The following TBC1D19 variants were observed in gnomAD, a reference collection of about 807,000 sequenced individuals.
The protein encoded by TBC1D19 is TBC1 domain family, member 19.
A neutral mutation model predicts 89.0 loss-of-function variants in TBC1D19; 60 were observed. That is an observed-to-expected ratio of 0.67 (90% confidence interval 0.55 to 0.84). TBC1D19 has a LOEUF of 0.84. TBC1D19 is among the 40% of genes least tolerant of loss of function. TBC1D19 has a pLI of 0.00. For synonymous variants in TBC1D19, 189 were observed against 199.7 expected, an observed-to-expected ratio of 0.95 and a Z score of 0.45; for missense variants, 500 against 610.8, an observed-to-expected ratio of 0.82 and a Z score of 1.91.
At chr4:26,590,109 C>CT (rs770340785) in intron 1 of TBC1D19, among the ~76,000 whole-genome samples, 5 of 152,178 alleles carry the variant, frequency 3.3e-5, no homozygotes, top group Non-Finnish European at 5.9e-5. Context: ...TTCTTACTGT[C>CT]TTGTATGGTA....
intron 1 of TBC1D19, among the ~76,000 whole-genome samples, chr4:26,590,184 G>A (rs1232796456): frequency 6.6e-6 from 1 of 152,190 alleles, no homozygotes; most frequent in African/African-American, 2.4e-5. Context: ...GTCCTTGAAG[G>A]AGCTTGTTAC....
the TBC1D19 span, among the ~76,000 whole-genome samples, chr4:26,808,326 C>A: frequency 6.6e-6 from 1 of 152,190 alleles, no homozygotes; most frequent in South Asian, 2.1e-4. Context: ...TTCTGTGAGT[C>A]TCCCTCTGCG....
chr4:26,734,901 T>C (rs1035857995), intron 15 of TBC1D19, among the ~76,000 whole-genome samples: 2 of 151,750 alleles, frequency 1.3e-5, no homozygotes, highest in Admixed American at 6.6e-5. Flanking sequence ...TGTGTGTGTA[T>C]ATATACACAC....
chr4:26,695,975 G>A (rs539161128), intron 13 of TBC1D19, among the ~76,000 whole-genome samples: 7 of 152,200 alleles, frequency 4.6e-5, no homozygotes, highest in South Asian at 2.1e-4. Flanking sequence ...ACCAGCTAAC[G>A]TCATAATGAC....
chr4:26,627,413 G>A (rs1742491169), intron 4 of TBC1D19, among the ~76,000 whole-genome samples: 1 of 152,112 alleles, frequency 6.6e-6, no homozygotes, highest in Non-Finnish European at 1.5e-5. Context: ...CCAGTAATGG[G>A]ATGGCTGGGT....
chr4:26,699,992 C>T (rs1022665552), intron 13 of TBC1D19, among the ~76,000 whole-genome samples: 12 of 151,248 alleles, frequency 7.9e-5, no homozygotes, highest in African/African-American at 2.7e-4. Context: ...TGCACATGTA[C>T]CCTAGAACTT....
At chr4:26,809,823 C>CATT in the TBC1D19 span, among the ~76,000 whole-genome samples, 3 of 152,196 alleles carry the variant, frequency 2.0e-5, no homozygotes, top group African/African-American at 7.2e-5. Flanking sequence ...AACTCTCTTC[C>CATT]ATTACCCCCT....
In TBC1D19 at chr4:26,700,393, T is replaced by G. The variant is rs772300522; in HGVS notation, c.954+11986T>G. 7.3e-4 allele frequency among the ~76,000 whole-genome samples: 111 copies of G among 152,216 alleles called. 1 individual carries two copies. The highest frequency in any genetic ancestry group is 1.4e-3 in the Non-Finnish European group (97 of 68,044). ...TGAAATAAATATTGAATGGCATTTTTTTTCTTTTATTTAACTCACGTTTCA... is the reference window on the plus strand; with the variant it reads ...TGAAATAAATATTGAATGGCATTTTGTTTCTTTTATTTAACTCACGTTTCA... On this transcript the variant is annotated intron_variant, in intron 13 of 20. Transcript: ENST00000264866.
chr4:26,854,594 G>A, the TBC1D19 span, among the ~76,000 whole-genome samples: 1 of 152,202 alleles, frequency 6.6e-6, no homozygotes, highest in African/African-American at 2.4e-5. Context: ...CTTCCTTGGA[G>A]CGTGACTTGT....
downstream of TBC1D19, among the ~76,000 whole-genome samples, chr4:26,757,000 G>A (rs1197300365): frequency 1.5e-5 from 2 of 135,930 alleles, no homozygotes; most frequent in African/African-American, 2.7e-5. Flanking sequence ...GAGGGTCATC[G>A]GGCTGCCTTA....
intron 11 of TBC1D19, among the ~76,000 whole-genome samples, chr4:26,676,815 A>G (rs1712851660): frequency 6.6e-6 from 1 of 151,530 alleles, no homozygotes; most frequent in Admixed American, 6.6e-5. Context: ...TGCTTTTGTG[A>G]CACAGTGCTC....
the TBC1D19 span, among the ~76,000 whole-genome samples, chr4:26,811,710 G>A: frequency 1.3e-5 from 2 of 152,228 alleles, no homozygotes; most frequent in African/African-American, 4.8e-5. Context: ...TTGATGATAT[G>A]CTAAACAAGG....
intron 1 of TBC1D19, among the ~76,000 whole-genome samples, chr4:26,599,187 G>T (rs889331740): frequency 9.2e-5 from 14 of 152,170 alleles, no homozygotes; most frequent in African/African-American, 3.4e-4. Flanking sequence ...AAGAGAATCT[G>T]TGATACCAAC....
At chr4:26,820,618 GA>G in the TBC1D19 span, among the ~76,000 whole-genome samples, 1 of 152,304 alleles carries the variant, frequency 6.6e-6, no homozygotes, top group East Asian at 1.9e-4. Context: ...AGGCTCTTGT[GA>G]ATCATGCTGA....
At chr4:26,586,836 T>C (rs1739444829) in intron 1 of TBC1D19, among the ~76,000 whole-genome samples, 1 of 152,214 alleles carries the variant, frequency 6.6e-6, no homozygotes, top group Non-Finnish European at 1.5e-5. Context: ...ATATATTGGT[T>C]ATAGTACCTT....
At chr4:26,836,623 A>G in the TBC1D19 span, among the ~76,000 whole-genome samples, 54 of 152,386 alleles carry the variant, frequency 3.5e-4, no homozygotes, top group African/African-American at 1.2e-3. Flanking sequence ...CAAAGGCAGC[A>G]GCAGAGAGAA....
At chr4:26,686,453 C>T (rs1577932624) in intron 12 of TBC1D19, among the ~76,000 whole-genome samples, 1 of 151,654 alleles carries the variant, frequency 6.6e-6, no homozygotes, top group Non-Finnish European at 1.5e-5. Context: ...TGTATCCATA[C>T]TTTCTATAGT....
At chr4:26,643,189 T>A (rs1743667481) in intron 7 of TBC1D19, among the ~76,000 whole-genome samples, 1 of 152,188 alleles carries the variant, frequency 6.6e-6, no homozygotes, top group Non-Finnish European at 1.5e-5. Flanking sequence ...AAAGCACTCC[T>A]CAGCAAATGT....
chr4:26,767,951 A>G, the TBC1D19 span, among the ~76,000 whole-genome samples: 15 of 152,126 alleles, frequency 9.9e-5, no homozygotes, highest in Admixed American at 9.8e-4. Flanking sequence ...CCCAGGAGGA[A>G]CCTGGATTTC....
Sources: gnomAD v4.1 joint callset for allele counts (sites outside exome capture counted in the v4.1 genomes callset) on GRCh38, gnomAD v4.1.1 for gene constraint, MANE v1.5 for transcripts, NCBI Gene and HGNC (gene_info 2026-07-23, HGNC 2026-07-21) for gene names.